Variants in UTP25 observed in about 807,000 individuals in gnomAD.
The protein encoded by UTP25 is U3 small nucleolar RNA-associated protein 25 homolog.
In UTP25, 50 loss-of-function variants were observed where a neutral mutation model predicts 78.9. That is an observed-to-expected ratio of 0.63 (90% confidence interval 0.50 to 0.80). UTP25 has a LOEUF of 0.80. UTP25 is among the 30% of genes least tolerant of loss of function. UTP25 has a pLI of 0.00. For missense variants in UTP25, 846 were observed against 911.3 expected (o/e 0.93, Z 0.92); for synonymous variants, 329 against 336.5 (o/e 0.98, Z 0.24).
chr1:209,828,040 G>A lies in UTP25; in HGVS notation c.-24G>A, dbSNP rs375277190. 1.3e-4 allele frequency: 211 copies of A among 1,601,086 alleles called. No homozygotes were observed. The African/African-American group carries it at 2.5e-3, about 19-fold the overall frequency. On this transcript the variant is annotated 5_prime_UTR_variant, in exon 1 of 12. It adds an upstream start codon to the 5' untranslated region. Coordinates refer to ENST00000491415, the MANE Select transcript of UTP25 (RefSeq NM_014388.7). The stretch of plus-strand genomic sequence containing the variant: ...TGGTGGAAAACCGCGACTCTTGCAA[G>A]TGGGCAAACTTGACGTTTTCGCTAT...
At chr1:209,835,239 C>A in intron 5 of UTP25, 76 bp downstream of exon 5, 1 of 1,287,796 alleles carries the variant, frequency 7.8e-7, no homozygotes, top group Non-Finnish European at 1.1e-6. Context: ...TTTTAGTGGC[C>A]TCCCAGAATG....
intron 5 of UTP25, 118 bp from the exon 6 acceptor site, chr1:209,836,683 G>A: frequency 2.7e-6 from 3 of 1,127,762 alleles, no homozygotes; most frequent in South Asian, 3.2e-5. Flanking sequence ...CAGGGCTGTT[G>A]TGAGGATTAA....
chr1:209,855,529 G>A lies in UTP25; in HGVS notation c.*4082G>A, dbSNP rs2078269362. The A allele has an allele frequency of 6.6e-6, 1 of 152,290 alleles. No individual in the cohort carries two copies. 9.4% of individuals were successfully genotyped at this position (152,290 alleles called of 1,614,324 possible). On this transcript the variant is annotated 3_prime_UTR_variant, in exon 12 of 12. Coordinates refer to ENST00000491415, the MANE Select transcript of UTP25 (RefSeq NM_014388.7). ...GAGGACAGGTATGTGACTGCCATAA[G>A]GAGCTGTTTGCTTTGCACAGAGAAA...
chr1:209,830,085 T>C, intron 1 of UTP25, 23 bp from the exon 2 acceptor site: 1 of 1,609,810 alleles, frequency 6.2e-7, no homozygotes, highest in Non-Finnish European at 8.5e-7. Flanking sequence ...AGTTAGAATG[T>C]AACATTGCCT....
In UTP25 at chr1:209,838,730, A is replaced by G. The variant is rs1040165972; in HGVS notation, c.1063-179A>G. On this transcript the variant is annotated intron_variant, in intron 6 of 11. Coordinates refer to ENST00000491415, the MANE Select transcript of UTP25 (RefSeq NM_014388.7). ...CAGGTCATGGTGCTGGGGTTATGAA[A>G]GGTGCTCAGTTTCTGGTGTTGAGCC... 1.9e-5 allele frequency: 13 copies of G among 676,182 alleles called. No individual in the cohort carries two copies. In the African/African-American group the frequency reaches 2.1e-4, roughly 11 times the overall value. 41.9% of individuals were successfully genotyped at this position (676,182 alleles called of 1,614,324 possible). A position where few individuals can be genotyped will look rare whatever the true frequency, so the allele number is the denominator to read the frequency against.
chr1:209,830,734 GA>G lies in UTP25; in HGVS notation c.148-68del. ...GGCTTCGTTGAATAGATGTTGGCTT[GA>G]TGATAGTTTTAGGGTAACAATAAGA... is the stretch of plus-strand genomic sequence containing the variant. On this transcript the variant is annotated intron_variant, in intron 2 of 11. Coordinates refer to ENST00000491415, the MANE Select transcript of UTP25 (RefSeq NM_014388.7). 1.9e-6 allele frequency: 3 copies of G among 1,542,648 alleles called. No individual in the cohort carries two copies. The East Asian group carries it at 6.9e-5, about 35-fold the overall frequency.
At chr1:209,829,993 T>A (rs2078093733) in intron 1 of UTP25, 115 bp from the exon 2 acceptor site, 1 of 887,916 alleles carries the variant, frequency 1.1e-6, no homozygotes, top group South Asian at 1.8e-5. Flanking sequence ...CATGACTATA[T>A]CTAAAATGTA....
At chr1:209,828,239 C>T in intron 1 of UTP25, 69 bp downstream of exon 1, 2 of 1,214,730 alleles carry the variant, frequency 1.6e-6, no homozygotes, top group Non-Finnish European at 2.4e-6. Flanking sequence ...CTCTGGTCTC[C>T]CAGATAGTGC....
chr1:209,837,720 C>T (rs2078142184), intron 6 of UTP25, among the ~76,000 whole-genome samples: 1 of 152,160 alleles, frequency 6.6e-6, no homozygotes, highest in African/African-American at 2.4e-5. Context: ...TTACATTTGC[C>T]ACTGTAAAGT....
rs902849132 is a variant in UTP25 at position 209,839,049 on chromosome 1, G to A, written c.1203G>A (p.Glu401=). The A allele has an allele frequency of 2.5e-6, 4 of 1,614,102 alleles. No homozygotes were observed. In the African/African-American group the frequency reaches 5.3e-5, roughly 22 times the overall value. The change falls in exon 7 of 12, where the codon GAG becomes GAA. Residue 401 remains glutamate (E), a synonymous_variant. Coordinates refer to ENST00000491415, the MANE Select transcript of UTP25 (RefSeq NM_014388.7). The stretch of plus-strand genomic sequence containing the variant: ...AGGGAGAATATGGATCAGATCCCGA[G>A]GAGAGACCACCCAACTTGAAGAGGC... ...RFQGEYGSDP[E]ERPPNLKRPE...
chr1:209,838,046 C>T (rs1018688353), intron 6 of UTP25, among the ~76,000 whole-genome samples: 2 of 152,176 alleles, frequency 1.3e-5, no homozygotes, highest in East Asian at 3.8e-4. Flanking sequence ...AACAATAACC[C>T]AGTCCTCTTA....
At position 209,851,520 on chromosome 1, in the gene UTP25, T is replaced by C; in HGVS notation, c.*73T>C. On this transcript the variant is annotated 3_prime_UTR_variant, in exon 12 of 12. Transcript: ENST00000491415. ...ATTCTATGCCATTTGGACCCAATTC[T>C]GATTACTTACAGAAGAAGGACTGAT... The C allele has an allele frequency of 4.7e-6, 7 of 1,505,318 alleles. No individual in the cohort carries two copies. The highest frequency in any genetic ancestry group is 6.2e-6 in the Non-Finnish European group (7 of 1,124,760). The allele number at this position is 1,505,318 out of a possible 1,614,324, so 93.2% of individuals were successfully genotyped here. A position where few individuals can be genotyped will look rare whatever the true frequency, so the allele number is the denominator to read the frequency against.
Position 209,847,288 on chromosome 1 carries a change from C to T in UTP25, c.2027+3592C>T, listed in dbSNP as rs2078202912. Reference sequence around the variant, plus strand: ...TGAAAGAAAATTGTTAAGAGACTAACAATAAACATCTGTTTATTTATAAAT... The same window carrying T: ...TGAAAGAAAATTGTTAAGAGACTAATAATAAACATCTGTTTATTTATAAAT... On this transcript the variant is annotated intron_variant, in intron 11 of 11. Coordinates refer to ENST00000491415, the MANE Select transcript of UTP25 (RefSeq NM_014388.7). 1.3e-5 allele frequency among the ~76,000 whole-genome samples: 2 copies of T among 152,290 alleles called. 1 individual carries two copies. The highest frequency in any genetic ancestry group is 4.1e-4 in the South Asian group (2 of 4,828).
At chr1:209,848,467 GTTTT>G (rs1036380434) in intron 11 of UTP25, among the ~76,000 whole-genome samples, 6 of 151,608 alleles carry the variant, frequency 4.0e-5, no homozygotes, top group Admixed American at 3.3e-4. Context: ...GCATATAGGG[GTTTT>G]TTTTCTGTTT....
chr1:209,839,549 A>C (rs1235402255), intron 7 of UTP25, among the ~76,000 whole-genome samples: 3 of 152,172 alleles, frequency 2.0e-5, no homozygotes, highest in Non-Finnish European at 4.4e-5. Context: ...CCTGTGTGCT[A>C]CATAGATGCC....
At position 209,855,292 on chromosome 1, in the gene UTP25, C is replaced by T. The variant is rs1171171188; in HGVS notation, c.*3845C>T. ...TCTACTTTTGCTTTGTTCCTGTTTC[C>T]CTTCTGTGAGGACCTTCCCCTCCTC... On this transcript the variant is annotated 3_prime_UTR_variant, in exon 12 of 12. Coordinates refer to ENST00000491415, the MANE Select transcript of UTP25 (RefSeq NM_014388.7). 6 of 152,228 alleles carry T rather than the reference C, an allele frequency of 3.9e-5. No homozygotes were observed. The highest frequency in any genetic ancestry group is 8.8e-5 in the Non-Finnish European group (6 of 68,078). 9.4% of individuals were successfully genotyped at this position (152,228 alleles called of 1,614,324 possible).
chr1:209,827,974 A>G lies in UTP25; in HGVS notation c.-90A>G. ...GCACCTTGCTTTCGCCGTAAAGCGCAGTCAGCGAGCCCACGTGCTTGTGTT... is the reference window on the plus strand; with the variant it reads ...GCACCTTGCTTTCGCCGTAAAGCGCGGTCAGCGAGCCCACGTGCTTGTGTT... On this transcript the variant is annotated 5_prime_UTR_variant, in exon 1 of 12. Transcript: ENST00000491415. 1.0e-6 allele frequency: 1 copy of G among 983,694 alleles called. No homozygotes were observed. Among genetic ancestry groups the G allele is most frequent in the South Asian group, 1.3e-5 (1 of 78,556 alleles). 60.9% of individuals were successfully genotyped at this position (983,694 alleles called of 1,614,324 possible).
In UTP25 at chr1:209,829,468, CT is replaced by C. The variant is rs570526567; in HGVS notation, c.108-633del. Among the ~76,000 whole-genome samples, 5 of 150,866 alleles carry C rather than the reference CT, an allele frequency of 3.3e-5. No homozygotes were observed. In the South Asian group the frequency reaches 1.0e-3, roughly 32 times the overall value. On this transcript the variant is annotated intron_variant, in intron 1 of 11. Transcript: ENST00000491415. The stretch of plus-strand genomic sequence containing the variant: ...TGCTTTGTCATCAGTTAGGGACATT[CT>C]TTTTTTCTTTTCTTTTCTTTTTTCT...
chr1:209,839,052 G>C lies in UTP25; in HGVS notation c.1206G>C (p.Glu402Asp). The C allele has an allele frequency of 6.2e-7, 1 of 1,614,132 alleles. No individual in the cohort carries two copies. The highest frequency in any genetic ancestry group is 8.5e-7 in the Non-Finnish European group (1 of 1,179,990). ...FQGEYGSDPE[E>D]RPPNLKRPED... ...GAGAATATGGATCAGATCCCGAGGA[G>C]AGACCACCCAACTTGAAGAGGCCTG... The change falls in exon 7 of 12, where the codon GAG (glutamate) becomes GAC (aspartate). Residue 402 changes from glutamate to aspartate, a missense_variant. By Grantham distance (45) the Glu-to-Asp change is conservative (BLOSUM62 2). Transcript: ENST00000491415.
Sources: gnomAD v4.1 joint callset for allele counts (sites outside exome capture counted in the v4.1 genomes callset) on GRCh38, gnomAD v4.1.1 for gene constraint, MANE v1.5 for transcripts, NCBI Gene and HGNC (gene_info 2026-07-23, HGNC 2026-07-21) for gene names.